FGF14: variants seen among roughly 807,000 people sequenced by gnomAD.
The protein encoded by FGF14 is fibroblast growth factor homologous factor 4.
FGF14 carries 5 observed loss-of-function variants against 25.5 expected under a neutral mutation model. The ratio of observed to expected loss-of-function variants is 0.20; its 90% CI spans 0.10 to 0.41. The LOEUF (loss-of-function observed/expected upper bound fraction) is 0.41. Among genes scored for constraint, FGF14 ranks in the 10% least tolerant of loss-of-function variants. The pLI is 1.00. For synonymous variants in FGF14, 138 were observed against 118.3 expected (o/e 1.17, Z -1.08); for missense variants, 222 against 320.1 (o/e 0.69, Z 2.34).
chr13:101,848,531 T>A (rs1483178778), intron 3 of FGF14, among the ~76,000 whole-genome samples: 1 of 151,902 alleles, frequency 6.6e-6, no homozygotes, highest in Admixed American at 6.6e-5. Context: ...GAGAATGAGG[T>A]TTAGATTTGT....
intron 1 of FGF14, among the ~76,000 whole-genome samples, chr13:101,959,756 T>C (rs56295540): frequency 0.053 from 7,997 of 152,322 alleles, 322 homozygotes; most frequent in Middle Eastern, 0.078. Context: ...TCTTGCACTA[T>C]AGTGATTTGT....
intron 1 of FGF14, among the ~76,000 whole-genome samples, chr13:102,009,405 G>GT (rs1468137596): frequency 2.0e-5 from 3 of 152,054 alleles, no homozygotes; most frequent in African/African-American, 7.2e-5. Flanking sequence ...GTTGGAAATA[G>GT]TTTTTTATCA....
At chr13:102,322,884 TAAAAAA>T (rs946891449) in intron 1 of FGF14, among the ~76,000 whole-genome samples, 1 of 145,922 alleles carries the variant, frequency 6.9e-6, no homozygotes, top group Admixed American at 6.9e-5. Context: ...AACTTAACAT[TAAAAAA>T]AAAAAGTTGC....
chr13:102,101,707 CTTT>C (rs111470313), intron 1 of FGF14, among the ~76,000 whole-genome samples: 1 of 147,696 alleles, frequency 6.8e-6, no homozygotes, highest in African/African-American at 2.5e-5. Flanking sequence ...TTCCCCCCAA[CTTT>C]TTTTTTTTCT....
At chr13:102,161,994 A>G (rs1290560671) in intron 1 of FGF14, among the ~76,000 whole-genome samples, 1 of 152,164 alleles carries the variant, frequency 6.6e-6, no homozygotes, top group Non-Finnish European at 1.5e-5. Flanking sequence ...TGATGTGTTA[A>G]TATTACTCTA....
intron 1 of FGF14, among the ~76,000 whole-genome samples, chr13:101,938,458 C>T (rs2035245426): frequency 6.6e-6 from 1 of 152,098 alleles, no homozygotes; most frequent in East Asian, 1.9e-4. Flanking sequence ...TAATATTAGA[C>T]ATGAATATGG....
At chr13:102,026,803 C>T (rs113393102) in intron 1 of FGF14, among the ~76,000 whole-genome samples, 4,827 of 151,964 alleles carry the variant, frequency 0.032, 245 homozygotes, top group African/African-American at 0.11. Context: ...TCATTATTTA[C>T]ATAAGAAATT....
chr13:101,947,116 A>G (rs2035859481), intron 1 of FGF14, among the ~76,000 whole-genome samples: 1 of 152,218 alleles, frequency 6.6e-6, no homozygotes, highest in Non-Finnish European at 1.5e-5. Context: ...AGAGAAATGC[A>G]AATCAAGACC....
intron 1 of FGF14, among the ~76,000 whole-genome samples, chr13:102,197,500 G>A (rs1226628264): frequency 6.6e-6 from 1 of 151,942 alleles, no homozygotes; most frequent in Non-Finnish European, 1.5e-5. Flanking sequence ...TGAACTGGTT[G>A]AGCTCTCTTG....
upstream of FGF14, chr13:102,401,895 A>G (rs2058709919): frequency 6.7e-6 from 4 of 594,556 alleles, no homozygotes; most frequent in Non-Finnish European, 1.2e-5. Context: ...GATCAAAACT[A>G]ATCAGGGAGA....
chr13:102,200,152 T>A (rs2049549950), intron 1 of FGF14, among the ~76,000 whole-genome samples: 2 of 152,142 alleles, frequency 1.3e-5, no homozygotes, highest in South Asian at 2.1e-4. Flanking sequence ...CACACATATA[T>A]GCACACACAC....
intron 1 of FGF14, among the ~76,000 whole-genome samples, chr13:102,278,674 A>G (rs1348099610): frequency 6.6e-6 from 1 of 151,838 alleles, no homozygotes; most frequent in Non-Finnish European, 1.5e-5. Flanking sequence ...ACACACATAC[A>G]CACTTCATTA....
In FGF14 at chr13:102,288,129, T is replaced by G. The variant is rs933372781; in HGVS notation, c.208+113342A>C. On this transcript the variant is annotated intron_variant, in intron 1 of 4. Transcript: ENST00000376131. ...TTCAATACTACTTTGAAACAATGAC[T>G]TCATTTTCTCCAGCTTTTTTATTTT... Among the ~76,000 whole-genome samples the G allele has an allele frequency of 2.8e-4, 42 of 152,226 alleles. 1 individual carries two copies. Among genetic ancestry groups the G allele is most frequent in the Non-Finnish European group, 1.2e-4 (8 of 68,034 alleles).
chr13:101,807,692 G>A (rs1039397817), intron 3 of FGF14, among the ~76,000 whole-genome samples: 2 of 152,010 alleles, frequency 1.3e-5, no homozygotes, highest in Non-Finnish European at 2.9e-5. Flanking sequence ...AACAGGAAAG[G>A]TATACTTAAT....
chr13:102,360,607 TTA>T (rs1307309469), intron 1 of FGF14, among the ~76,000 whole-genome samples: 1 of 152,160 alleles, frequency 6.6e-6, no homozygotes, highest in African/African-American at 2.4e-5. Flanking sequence ...AAACTCTCAA[TTA>T]GAGTTTACAT....
chr13:101,824,351 C>T (rs2042302653), intron 3 of FGF14, among the ~76,000 whole-genome samples: 1 of 152,086 alleles, frequency 6.6e-6, no homozygotes, highest in African/African-American at 2.4e-5. Context: ...GCACGCTTAC[C>T]ATTCTTGGGG....
At chr13:102,324,405 T>C (rs931369347) in intron 1 of FGF14, among the ~76,000 whole-genome samples, 1 of 152,026 alleles carries the variant, frequency 6.6e-6, no homozygotes, top group Admixed American at 6.6e-5. Context: ...ATCTGTAAAA[T>C]GGGGCATTTA....
intron 3 of FGF14, among the ~76,000 whole-genome samples, chr13:101,759,547 G>T (rs1345588304): frequency 6.6e-6 from 1 of 152,058 alleles, no homozygotes; most frequent in Non-Finnish European, 1.5e-5. Flanking sequence ...CCATTGTTAC[G>T]ATTCTTAACA....
intron 3 of FGF14, among the ~76,000 whole-genome samples, chr13:101,832,810 G>A (rs1156898242): frequency 1.3e-5 from 2 of 152,052 alleles, no homozygotes; most frequent in African/African-American, 2.4e-5. Flanking sequence ...AAGGTTTTAG[G>A]AGTAGTGTGG....
Sources: gnomAD v4.1 joint callset for allele counts (sites outside exome capture counted in the v4.1 genomes callset) on GRCh38, gnomAD v4.1.1 for gene constraint, MANE v1.5 for transcripts, NCBI Gene and HGNC (gene_info 2026-07-23, HGNC 2026-07-21) for gene names.